The following CACNA2D3 variants were observed in gnomAD, a reference collection of about 807,000 sequenced individuals.
CACNA2D3 encodes the protein calcium voltage-gated channel auxiliary subunit alpha2delta 3.
Under a neutral mutation model 160.6 loss-of-function variants are expected in CACNA2D3, and 60 were observed. The observed-to-expected ratio is 0.37, with a 90% CI of 0.30 to 0.46. The LOEUF is 0.46. CACNA2D3 is among the 20% of genes least tolerant of loss of function. The pLI is 1.00. For synonymous variants in CACNA2D3, 558 were observed against 492.9 expected, an observed-to-expected ratio of 1.13 and a Z score of -1.75; for missense variants, 1,205 against 1,365.0, an observed-to-expected ratio of 0.88 and a Z score of 1.85.
At chr3:54,659,273 C>G (rs1699926805) in intron 11 of CACNA2D3, among the ~76,000 whole-genome samples, 1 of 152,222 alleles carries the variant, frequency 6.6e-6, no homozygotes. Flanking sequence ...CAGAGTGGTG[C>G]CTGGCACACA....
At chr3:54,851,133 T>C (rs1248199387) in intron 17 of CACNA2D3, among the ~76,000 whole-genome samples, 1 of 152,256 alleles carries the variant, frequency 6.6e-6, no homozygotes, top group Non-Finnish European at 1.5e-5. Flanking sequence ...TTTTCTAACA[T>C]TCACTGATTC....
In CACNA2D3 at chr3:54,818,683, C is replaced by T. The variant is rs145657122; in HGVS notation, c.1398+1813C>T. On this transcript the variant is annotated intron_variant, in intron 14 of 37. Transcript: ENST00000474759. ...TCAAGGAAGGTACCTCAGCTGGCTT[C>T]CTAATTTTTTTCCCTGTCTCCGAAT... Among the ~76,000 whole-genome samples, 359 of 152,296 alleles carry T rather than the reference C, an allele frequency of 2.4e-3. 1 individual carries two copies. Among genetic ancestry groups the T allele is most frequent in the Middle Eastern group, 0.01 (3 of 294 alleles).
chr3:54,675,670 A>G (rs1407841011), intron 11 of CACNA2D3, among the ~76,000 whole-genome samples: 5 of 152,160 alleles, frequency 3.3e-5, no homozygotes, highest in Non-Finnish European at 7.3e-5. Flanking sequence ...GGTGCCACTC[A>G]TATTTCAGTC....
chr3:54,370,315 T>A (rs948357326), intron 3 of CACNA2D3, among the ~76,000 whole-genome samples: 8 of 152,244 alleles, frequency 5.3e-5, no homozygotes, highest in Non-Finnish European at 8.8e-5. Flanking sequence ...CTAAGGATTT[T>A]AAAAATATGT....
chr3:54,172,719 A>G (rs1327506279), intron 2 of CACNA2D3, among the ~76,000 whole-genome samples: 2 of 152,266 alleles, frequency 1.3e-5, no homozygotes, highest in Admixed American at 6.5e-5. Flanking sequence ...AATGACTAGA[A>G]GGCAGGGTGG....
intron 35 of CACNA2D3, among the ~76,000 whole-genome samples, chr3:55,021,647 G>GTA (rs55811346): frequency 1.7e-4 from 24 of 140,964 alleles, no homozygotes; most frequent in South Asian, 1.3e-3. Context: ...ATATATATGT[G>GTA]TATATATATA....
At chr3:55,046,604 G>A (rs1219600995) in intron 35 of CACNA2D3, among the ~76,000 whole-genome samples, 1 of 16,456 alleles carries the variant, frequency 6.1e-5, no homozygotes, top group East Asian at 1.1e-3. Flanking sequence ...AGTCCTTTGG[G>A]TATATACCCA....
chr3:54,566,652 C>T (rs562867551), intron 6 of CACNA2D3, among the ~76,000 whole-genome samples: 1 of 152,336 alleles, frequency 6.6e-6, no homozygotes, highest in South Asian at 2.1e-4. Flanking sequence ...CAGTTAGGTT[C>T]ATGCATGATT....
chr3:54,213,394 C>T (rs998146171), intron 2 of CACNA2D3, among the ~76,000 whole-genome samples: 1 of 152,192 alleles, frequency 6.6e-6, no homozygotes, highest in African/African-American at 2.4e-5. Context: ...TTAAAGGCCA[C>T]CCCTCCTGCC....
At chr3:54,807,508 C>A (rs914074112) in intron 13 of CACNA2D3, among the ~76,000 whole-genome samples, 2 of 152,048 alleles carry the variant, frequency 1.3e-5, no homozygotes, top group African/African-American at 2.4e-5. Flanking sequence ...CAATGAGATA[C>A]CATCTCACAC....
intron 27 of CACNA2D3, among the ~76,000 whole-genome samples, chr3:54,911,888 A>G (rs538544438): frequency 6.6e-6 from 1 of 152,234 alleles, no homozygotes; most frequent in Non-Finnish European, 1.5e-5. Context: ...TTAATGCCTT[A>G]AAGCTACAGA....
At chr3:54,824,524 G>C (rs1703709147) in intron 14 of CACNA2D3, among the ~76,000 whole-genome samples, 1 of 152,148 alleles carries the variant, frequency 6.6e-6, no homozygotes, top group African/African-American at 2.4e-5. Flanking sequence ...CAGAAGGGAC[G>C]CATTCCACTC....
chr3:54,489,330 A>G (rs966204805), intron 4 of CACNA2D3, among the ~76,000 whole-genome samples: 1 of 152,118 alleles, frequency 6.6e-6, no homozygotes, highest in South Asian at 2.1e-4. Flanking sequence ...CTGTGTCTTC[A>G]CCCTGGCTTT....
intron 34 of CACNA2D3, among the ~76,000 whole-genome samples, chr3:55,011,153 G>A (rs968066258): frequency 4.5e-4 from 69 of 152,296 alleles, no homozygotes; most frequent in African/African-American, 1.5e-3. Flanking sequence ...GCTGATGCCC[G>A]CATAGTTTGC....
intron 4 of CACNA2D3, among the ~76,000 whole-genome samples, chr3:54,444,044 G>C (rs1037697380): frequency 1.3e-5 from 2 of 152,172 alleles, no homozygotes; most frequent in Non-Finnish European, 2.9e-5. Context: ...GGAAGGAGTG[G>C]AGACCCGGGC....
At chr3:54,836,116 C>G (rs948048593) in intron 14 of CACNA2D3, among the ~76,000 whole-genome samples, 2 of 151,722 alleles carry the variant, frequency 1.3e-5, no homozygotes, top group Non-Finnish European at 2.9e-5. Flanking sequence ...TCTCCCAACA[C>G]TGTGTAAAAA....
At chr3:54,932,891 G>T (rs1227719461) in intron 27 of CACNA2D3, among the ~76,000 whole-genome samples, 2 of 152,202 alleles carry the variant, frequency 1.3e-5, no homozygotes, top group East Asian at 3.8e-4. Context: ...AATCCATGCA[G>T]AAATTTCGTT....
chr3:54,856,619 G>C (rs62254523), intron 17 of CACNA2D3, among the ~76,000 whole-genome samples: 43,956 of 152,074 alleles, frequency 0.29, 8,031 homozygotes, highest in East Asian at 0.45. Flanking sequence ...GAAGATGTGG[G>C]TTTTTAAAGT....
intron 11 of CACNA2D3, among the ~76,000 whole-genome samples, chr3:54,669,107 G>A (rs1291153109): frequency 6.6e-6 from 1 of 152,196 alleles, no homozygotes. Flanking sequence ...CTCCACAACT[G>A]AAGAGTCAGG....
Sources: allele counts gnomAD v4.1 joint callset (sites outside exome capture counted in the v4.1 genomes callset), GRCh38; gene constraint gnomAD v4.1.1; transcripts MANE v1.5; gene names NCBI Gene and HGNC (gene_info 2026-07-23, HGNC 2026-07-21).